Variants in PLAC8L1 observed in about 807,000 individuals in gnomAD.
PLAC8L1 encodes PLAC8-like protein 1.
A neutral mutation model predicts 16.3 loss-of-function variants in PLAC8L1; 13 were observed. That is an observed-to-expected ratio of 0.80 (90% CI 0.52 to 1.27). The LOEUF (loss-of-function observed/expected upper bound fraction) is 1.27. PLAC8L1 is among the 50% of genes most tolerant of loss of function. The probability of loss-of-function intolerance (pLI) is 0.00; values close to 1 mark genes in which losing one functional copy is unlikely to be tolerated. For missense variants in PLAC8L1, 184 were observed against 220.2 expected (o/e 0.84, Z 1.04); for synonymous variants, 78 against 79.3 (o/e 0.98, Z 0.09).
intron 1 of PLAC8L1, among the ~76,000 whole-genome samples, chr5:146,098,748 G>A (rs923604478): frequency 1.3e-5 from 2 of 152,192 alleles, no homozygotes; most frequent in Non-Finnish European, 2.9e-5. Context: ...GGGGATGTGT[G>A]ACAAAGTAAC....
intron 1 of PLAC8L1, 27 bp downstream of exon 1, chr5:146,104,166 A>AG: frequency 6.2e-7 from 1 of 1,610,224 alleles, no homozygotes; most frequent in Non-Finnish European, 8.5e-7. Flanking sequence ...AGCAAAAGCT[A>AG]GGGGAAAAAC....
intron 2 of PLAC8L1, among the ~76,000 whole-genome samples, chr5:146,088,322 A>G (rs568268583): frequency 1.3e-5 from 2 of 152,162 alleles, no homozygotes; most frequent in East Asian, 3.9e-4. Flanking sequence ...TTTTTATTTT[A>G]GTTACTCTTG....
At chr5:146,085,387 G>GA in intron 3 of PLAC8L1, 74 bp downstream of exon 3, 1 of 1,471,488 alleles carries the variant, frequency 6.8e-7, no homozygotes, top group East Asian at 2.3e-5. Flanking sequence ...CTTTTATTTG[G>GA]AAAATCACAG....
At chr5:146,097,914 T>C (rs1010157077) in intron 2 of PLAC8L1, among the ~76,000 whole-genome samples, 2 of 152,200 alleles carry the variant, frequency 1.3e-5, no homozygotes, top group Non-Finnish European at 2.9e-5. Context: ...TTGTGCACTT[T>C]GCCAACAGTG....
At chr5:146,094,480 C>G (rs1763678561) in intron 2 of PLAC8L1, among the ~76,000 whole-genome samples, 1 of 152,194 alleles carries the variant, frequency 6.6e-6, no homozygotes, top group South Asian at 2.1e-4. Flanking sequence ...TGGGAAGAAA[C>G]TCAGTAAACA....
intron 1 of PLAC8L1, among the ~76,000 whole-genome samples, chr5:146,100,129 G>A (rs1264264571): frequency 3.9e-5 from 6 of 152,162 alleles, no homozygotes; most frequent in African/African-American, 1.4e-4. Context: ...GACTGCAGTA[G>A]TCTCCCACTA....
At chr5:146,104,099 A>G in intron 1 of PLAC8L1, 94 bp downstream of exon 1, 1 of 1,499,286 alleles carries the variant, frequency 6.7e-7, no homozygotes, top group Non-Finnish European at 8.9e-7. Flanking sequence ...TCCCAAGCCC[A>G]GTTTTCTTTT....
At chr5:146,089,730 ACTT>A (rs1289912357) in intron 2 of PLAC8L1, among the ~76,000 whole-genome samples, 194 of 146,060 alleles carry the variant, frequency 1.3e-3, no homozygotes, top group Admixed American at 3.3e-3. Flanking sequence ...AAGTCAGGCA[ACTT>A]CTTCTTCTTT....
intron 2 of PLAC8L1, among the ~76,000 whole-genome samples, chr5:146,092,411 C>T (rs1295918362): frequency 6.6e-6 from 1 of 151,966 alleles, no homozygotes; most frequent in East Asian, 1.9e-4. Flanking sequence ...AAAATGACAT[C>T]TGTGCAGTGA....
chr5:146,098,308 T>C lies in PLAC8L1; in HGVS notation c.120-16A>G, dbSNP rs1222240933. 1.2e-6 allele frequency: 2 copies of C among 1,610,038 alleles called. No homozygotes were observed. The highest frequency in any genetic ancestry group is 1.1e-5 in the South Asian group (1 of 90,380). On this transcript the variant is annotated splice_polypyrimidine_tract_variant and intron_variant, in intron 1 of 3. Transcript: ENST00000311450. The stretch of plus-strand genomic sequence containing the variant: ...TACATGGCCTCTGGAGAGTCAAGGA[T>C]GATGATTAACTTGGAAACAAAGGTG...
intron 2 of PLAC8L1, among the ~76,000 whole-genome samples, chr5:146,088,111 G>A (rs1763553304): frequency 6.6e-6 from 1 of 152,192 alleles, no homozygotes; most frequent in Admixed American, 6.5e-5. Context: ...TGGGGACACA[G>A]ATCCAAACCA....
intron 2 of PLAC8L1, among the ~76,000 whole-genome samples, chr5:146,087,033 C>A (rs996988723): frequency 2.0e-5 from 3 of 152,224 alleles, no homozygotes; most frequent in Admixed American, 6.5e-5. Context: ...CAATCAATCC[C>A]AGCCCTCCCG....
chr5:146,091,694 C>G (rs949119457), intron 2 of PLAC8L1, among the ~76,000 whole-genome samples: 1 of 151,954 alleles, frequency 6.6e-6, no homozygotes, highest in African/African-American at 2.4e-5. Context: ...CCTAGCCACT[C>G]TAGAGGCTGA....
At chr5:146,097,590 A>C (rs1763739325) in intron 2 of PLAC8L1, among the ~76,000 whole-genome samples, 1 of 152,226 alleles carries the variant, frequency 6.6e-6, no homozygotes, top group South Asian at 2.1e-4. Flanking sequence ...AAATGTATCC[A>C]AATCATCTTT....
At chr5:146,098,488 A>G (rs1056286945) in intron 1 of PLAC8L1, among the ~76,000 whole-genome samples, 196 bp from the exon 2 acceptor site, 1 of 151,938 alleles carries the variant, frequency 6.6e-6, no homozygotes, top group African/African-American at 2.4e-5. Flanking sequence ...CCTCATCTCT[A>G]TTAATGGAAT....
intron 1 of PLAC8L1, among the ~76,000 whole-genome samples, chr5:146,100,626 G>A (rs918023759): frequency 3.3e-5 from 5 of 151,982 alleles, no homozygotes; most frequent in Non-Finnish European, 7.4e-5. Flanking sequence ...ACATAAATGA[G>A]TTATTCATAG....
At chr5:146,103,656 C>G in intron 1 of PLAC8L1, 1 of 985,172 alleles carries the variant, frequency 1.0e-6, no homozygotes. Context: ...AGGCTAACTC[C>G]TGTTAAAGTT....
At chr5:146,103,015 A>C (rs1225871265) in intron 1 of PLAC8L1, among the ~76,000 whole-genome samples, 1 of 152,204 alleles carries the variant, frequency 6.6e-6, no homozygotes, top group Non-Finnish European at 1.5e-5. Flanking sequence ...GAACTGGACC[A>C]GGTTTTCAGT....
chr5:146,090,396 G>C (rs1394946054), intron 2 of PLAC8L1, among the ~76,000 whole-genome samples: 1 of 151,872 alleles, frequency 6.6e-6, no homozygotes, highest in Non-Finnish European at 1.5e-5. Flanking sequence ...TAGCCAGGTG[G>C]TAGTGGCGTG....
Sources: allele counts gnomAD v4.1 joint callset (sites outside exome capture counted in the v4.1 genomes callset), GRCh38; gene constraint gnomAD v4.1.1; transcripts MANE v1.5; gene names NCBI Gene and HGNC (gene_info 2026-07-23, HGNC 2026-07-21).